The following INTS3 variants were observed in gnomAD, a reference collection of about 807,000 sequenced individuals.
INTS3 encodes integrator complex subunit 3, also known as SOSS complex subunit A.
INTS3 carries 34 observed loss-of-function variants against 146.3 expected under a neutral mutation model. The observed-to-expected ratio is 0.23, with a 90% confidence interval of 0.18 to 0.31. The LOEUF is 0.31. Among genes scored for constraint, INTS3 ranks in the 10% least tolerant of loss-of-function variants. INTS3 has a pLI of 1.00. For synonymous variants in INTS3, 475 were observed against 494.9 expected (o/e 0.96, Z 0.53); for missense variants, 757 against 1,304.2 (o/e 0.58, Z 6.46).
chr1:153,734,495 T>C (rs1382612633), intron 1 of INTS3, among the ~76,000 whole-genome samples: 1 of 152,226 alleles, frequency 6.6e-6, no homozygotes, highest in Non-Finnish European at 1.5e-5. Context: ...AATTCTGGAC[T>C]CTCACTTTCT....
At chr1:153,729,135 T>C (rs1670971170) in intron 1 of INTS3, among the ~76,000 whole-genome samples, 1 of 152,200 alleles carries the variant, frequency 6.6e-6, no homozygotes. Context: ...GGTCAATATA[T>C]TGAGTTGAGA....
intron 13 of INTS3, 25 bp downstream of exon 13, chr1:153,760,943 GGTT>G (rs1447447204): frequency 6.2e-7 from 1 of 1,603,766 alleles, no homozygotes; most frequent in African/African-American, 1.3e-5. Context: ...GGGGGAAGGA[GGTT>G]GTTTTCCCAT....
chr1:153,768,752 A>ATC (rs1672699269), intron 21 of INTS3, 141 bp from the exon 22 acceptor site: 1 of 643,642 alleles, frequency 1.6e-6, no homozygotes, highest in Non-Finnish European at 2.8e-6. Context: ...TAGCTGTTGG[A>ATC]TCTCTGTTTA....
chr1:153,762,293 C>CA (rs1355418422), intron 14 of INTS3, among the ~76,000 whole-genome samples: 1 of 152,122 alleles, frequency 6.6e-6, no homozygotes, highest in Non-Finnish European at 1.5e-5. Context: ...TACTAAAATA[C>CA]AAAAAAATTT....
chr1:153,748,966 T>C (rs553135165), intron 6 of INTS3, among the ~76,000 whole-genome samples: 8 of 152,260 alleles, frequency 5.3e-5, no homozygotes, highest in Middle Eastern at 3.4e-3. Context: ...TTTGCCAAAA[T>C]ATCGCATAGC....
At chr1:153,754,981 C>G (rs1156268916) in intron 9 of INTS3, among the ~76,000 whole-genome samples, 1 of 152,182 alleles carries the variant, frequency 6.6e-6, no homozygotes, top group Non-Finnish European at 1.5e-5. Flanking sequence ...TGTTGTGAAG[C>G]TTTTAGTTTA....
rs1410209760 is a variant in INTS3 at position 153,761,551 on chromosome 1, C to T, written c.1410-19C>T. The T allele has an allele frequency of 1.2e-5, 19 of 1,539,506 alleles. No homozygotes were observed. The highest frequency in any genetic ancestry group is 1.6e-5 in the Non-Finnish European group (18 of 1,113,934). Reference sequence around the variant, plus strand: ...TAAGAGAAGCTCTGATATTGACCTTCATCATGTTCCCCATTTAGACACCTA... The same window carrying T: ...TAAGAGAAGCTCTGATATTGACCTTTATCATGTTCCCCATTTAGACACCTA... On this transcript the variant is annotated intron_variant, in intron 13 of 29. Coordinates refer to ENST00000318967, the MANE Select transcript of INTS3 (RefSeq NM_023015.5).
intron 2 of INTS3, 146 bp downstream of exon 2, chr1:153,740,880 C>A: frequency 2.9e-6 from 2 of 698,884 alleles, no homozygotes; most frequent in South Asian, 1.6e-5. Flanking sequence ...CTCAATTCTT[C>A]TCTTTTACTG....
chr1:153,762,108 A>G (rs996084114), intron 14 of INTS3, among the ~76,000 whole-genome samples: 1 of 152,202 alleles, frequency 6.6e-6, no homozygotes, highest in Non-Finnish European at 1.5e-5. Context: ...TTGTTTTGGG[A>G]TAAGGGTCTA....
chr1:153,731,021 A>G (rs1671039727), intron 1 of INTS3, among the ~76,000 whole-genome samples: 1 of 151,990 alleles, frequency 6.6e-6, no homozygotes, highest in African/African-American at 2.4e-5. Context: ...TTTTCCCATC[A>G]CAGACCTACC....
Position 153,757,473 on chromosome 1 carries a change from G to C in INTS3, c.958-99G>C. On this transcript the variant is annotated intron_variant, in intron 9 of 29. Coordinates refer to ENST00000318967, the MANE Select transcript of INTS3 (RefSeq NM_023015.5). The surrounding 1 kb of genome is among the most constrained non-coding windows in gnomAD (Gnocchi z 4.0). ...AATGAATGAATTGTGGAGAAATAGA[G>C]GTCTAGGGCAAACCTAGAGTTAAGT... The C allele has an allele frequency of 3.2e-6, 3 of 946,906 alleles. No homozygotes were observed. The highest frequency in any genetic ancestry group is 4.9e-6 in the Non-Finnish European group (3 of 606,790). 58.7% of individuals were successfully genotyped at this position (946,906 alleles called of 1,614,324 possible).
chr1:153,770,059 GTGTGT>G (rs1486699366), intron 23 of INTS3, 134 bp from the exon 24 acceptor site: 36,166 of 322,584 alleles, frequency 0.11, 1,633 homozygotes, highest in East Asian at 0.23. Flanking sequence ...GTGGATTGGG[GTGTGT>G]GTGTGTGTGT....
In INTS3 at chr1:153,772,394, G is replaced by C. The variant is rs764784800; in HGVS notation, c.2775G>C (p.Glu925Asp). ...AGCTGACTCTGGAGCAGATCCTGGA[G>C]CACTTGGACAATCTGCGGCTCAACC... ...LAQLTLEQIL[E>D]HLDNLRLNLT... Residue 925 changes from glutamate to aspartate, a missense_variant, in exon 27 of 30, where the codon GAG (glutamate) becomes GAC (aspartate). Transcript: ENST00000318967. This position sits in a 1 kb window ranked among gnomAD's most constrained non-coding sequence, Gnocchi z 4.6. 2 of 1,614,116 alleles carry C rather than the reference G, an allele frequency of 1.2e-6. No individual in the cohort carries two copies. The highest frequency in any genetic ancestry group is 1.1e-5 in the South Asian group (1 of 91,072).
At chr1:153,751,063 A>G (rs768997856) in intron 6 of INTS3, 32 bp from the exon 7 acceptor site, 2 of 1,611,900 alleles carry the variant, frequency 1.2e-6, no homozygotes, top group Admixed American at 3.3e-5. Context: ...TTCTAGACAG[A>G]GCATAGGAGC....
chr1:153,729,846 A>G (rs987777055), intron 1 of INTS3, among the ~76,000 whole-genome samples: 5 of 139,590 alleles, frequency 3.6e-5, no homozygotes, highest in African/African-American at 1.4e-4. Context: ...GCCTGACGAC[A>G]GAGCGAGAGA....
intron 14 of INTS3, 89 bp downstream of exon 14, chr1:153,761,765 C>A: frequency 1.4e-6 from 1 of 721,866 alleles, no homozygotes. Context: ...GGATGTCCCA[C>A]ACAGTTCTCC....
Position 153,757,485 on chromosome 1 carries a change from A to AC in INTS3, c.958-85dup, listed in dbSNP as rs1338421830. 10 of 1,148,092 alleles carry AC rather than the reference A, an allele frequency of 8.7e-6. No homozygotes were observed. The highest frequency in any genetic ancestry group is 1.3e-5 in the Non-Finnish European group (10 of 782,404). The allele number at this position is 1,148,092 out of a possible 1,614,324, so 71.1% of individuals were successfully genotyped here. A position where few individuals can be genotyped will look rare whatever the true frequency, so the allele number is the denominator to read the frequency against. ...GTGGAGAAATAGAGGTCTAGGGCAA[A>AC]CCTAGAGTTAAGTGGTGCTCGTTTT... is the stretch of plus-strand genomic sequence containing the variant. On this transcript the variant is annotated intron_variant, in intron 9 of 29. Transcript: ENST00000318967. This position sits in a 1 kb window ranked among gnomAD's most constrained non-coding sequence, Gnocchi z 4.0.
rs1367681926 is a variant in INTS3, at chr1:153,728,260, G to A, written c.-375G>A. On this transcript the variant is annotated 5_prime_UTR_variant, in exon 1 of 30. Coordinates refer to ENST00000318967, the MANE Select transcript of INTS3 (RefSeq NM_023015.5). ...GCAGGACTCCTCTTTTCCCCCCACGGGGAAAAGAGGCAGAAACTTAGGGGT... is the reference window on the plus strand; with the variant it reads ...GCAGGACTCCTCTTTTCCCCCCACGAGGAAAAGAGGCAGAAACTTAGGGGT... 2 of 389,638 alleles carry A rather than the reference G, an allele frequency of 5.1e-6. No individual in the cohort carries two copies. Among genetic ancestry groups the A allele is most frequent in the African/African-American group, 4.1e-5 (2 of 48,392 alleles). The allele number at this position is 389,638 out of a possible 1,614,324, so 24.1% of individuals were successfully genotyped here.
chr1:153,752,293 G>T lies in INTS3; in HGVS notation c.744G>T (p.Leu248=). The T allele has an allele frequency of 6.2e-7, 1 of 1,613,532 alleles. No homozygotes were observed. ...SLLRERFMEC[L]MIGRDLVRLL... ...TCCCTATCAAGTTCATGGAATGTCT[G>T]ATGATTGGTCGGGATCTCGTAAGAC... The change falls in exon 8 of 30, where the codon CTG becomes CTT. Residue 248 remains leucine (L), a synonymous_variant. Coordinates refer to ENST00000318967, the MANE Select transcript of INTS3 (RefSeq NM_023015.5).
Sources: gnomAD v4.1 joint callset for allele counts (sites outside exome capture counted in the v4.1 genomes callset) on GRCh38, gnomAD v4.1.1 for gene constraint, Gnocchi (gnomAD v3.1) non-coding constraint, MANE v1.5 for transcripts, NCBI Gene and HGNC (gene_info 2026-07-23, HGNC 2026-07-21) for gene names.